UPRT: variants seen among roughly 807,000 people sequenced by gnomAD.
UPRT encodes RP11-311P8.3.
Under a neutral mutation model 22.6 loss-of-function variants are expected in UPRT, and 5 were observed. That is an observed-to-expected ratio of 0.22 (90% confidence interval 0.12 to 0.47). The LOEUF (loss-of-function observed/expected upper bound fraction) is 0.47. Ranked by LOEUF, UPRT falls within the 20% of genes least tolerant of loss-of-function variation. The pLI is 0.99. For synonymous variants in UPRT, 77 were observed against 87.7 expected (o/e 0.88, Z 0.68); for missense variants, 181 against 239.9 (o/e 0.75, Z 1.62).
rs1230880697 is a variant in UPRT, at chrX:75,202,516, G to GA, written c.-447+34644dup. 6.3e-5 allele frequency among the ~76,000 whole-genome samples: 7 copies of GA among 111,372 alleles called. No homozygotes were observed. In the South Asian group the frequency reaches 2.6e-3, roughly 42 times the overall value. On this transcript the variant is annotated intron_variant, in intron 4 of 13. Coordinates refer to the UPRT transcript ENST00000652605. ...ACTCAATTGAATAAATAAAAAAGGA[G>GA]AAAAAAATAATTATAACTGATATGT...
chrX:75,241,392 G>A (rs1400688908), intron 4 of UPRT, among the ~76,000 whole-genome samples: 1 of 111,534 alleles, frequency 9.0e-6, no homozygotes, highest in Non-Finnish European at 1.9e-5. Context: ...CTTACTCCTG[G>A]AAGAATGGCC....
intron 4 of UPRT, among the ~76,000 whole-genome samples, chrX:75,218,929 C>A (rs1323869377): frequency 9.1e-6 from 1 of 110,461 alleles, no homozygotes; most frequent in South Asian, 4.0e-4. Flanking sequence ...AGGAGATATA[C>A]CTAATGCTAA....
chrX:75,165,115 C>A (rs1471812174), intron 3 of UPRT, among the ~76,000 whole-genome samples: 1 of 107,862 alleles, frequency 9.3e-6, no homozygotes, highest in African/African-American at 3.4e-5. Flanking sequence ...TTCTATATTT[C>A]CAAGACTAAA....
chrX:75,216,604 C>G (rs748299913), intron 4 of UPRT, among the ~76,000 whole-genome samples: 1 of 111,913 alleles, frequency 8.9e-6, no homozygotes, highest in African/African-American at 3.2e-5. Flanking sequence ...GAAAGCTGTG[C>G]CCTGGAAAGG....
At chrX:75,160,805 C>T (rs1222568068) in intron 2 of UPRT, among the ~76,000 whole-genome samples, 1 of 112,496 alleles carries the variant, frequency 8.9e-6, no homozygotes, top group East Asian at 2.8e-4. Context: ...CTGGGATTTA[C>T]AGGCATGAGC....
chrX:75,287,300 A>G (rs937099289), intron 1 of UPRT, among the ~76,000 whole-genome samples: 1 of 111,872 alleles, frequency 8.9e-6, no homozygotes, highest in Non-Finnish European at 1.9e-5. Context: ...TTGTAGTAAT[A>G]GTAATAGTAC....
rs374504573 is a variant in UPRT at position 75,252,083 on chromosome X, A to G, written c.-446-38941A>G. Among the ~76,000 whole-genome samples the G allele has an allele frequency of 5.2e-4, 59 of 112,449 alleles. 3 individuals carry two copies. In the East Asian group the frequency reaches 7.5e-3, roughly 14 times the overall value. ...AATTCAAGATGTATTAAAGACTTAC[A>G]TGTTAGACCTAAAACCATAAAAATG... On this transcript the variant is annotated intron_variant, in intron 4 of 13. Coordinates refer to the UPRT transcript ENST00000652605.
intron 4 of UPRT, among the ~76,000 whole-genome samples, chrX:75,207,279 G>C (rs971989856): frequency 2.7e-5 from 3 of 112,426 alleles, no homozygotes; most frequent in African/African-American, 9.7e-5. Context: ...ATCTTTGCCT[G>C]TTTACAGGTA....
chrX:75,237,151 T>A (rs1284605345), intron 4 of UPRT, among the ~76,000 whole-genome samples: 1 of 112,029 alleles, frequency 8.9e-6, no homozygotes, highest in Admixed American at 9.5e-5. Flanking sequence ...CATGAACAGA[T>A]ACTTCTCAAA....
In UPRT at chrX:75,302,759, C is replaced by G. The variant is rs771027289; in HGVS notation, c.824-646C>G. The stretch of plus-strand genomic sequence containing the variant: ...CCTTGTTACTTTTCCCTACCTATTC[C>G]CCTCCCCATAAGCTAGAGTCCTAAC... On this transcript the variant is annotated intron_variant, in intron 6 of 6. Coordinates refer to ENST00000373383, the MANE Select transcript of UPRT (RefSeq NM_145052.4). Among the ~76,000 whole-genome samples, 66 of 110,925 alleles carry G rather than the reference C, an allele frequency of 5.9e-4. 1 individual carries two copies. Among genetic ancestry groups the G allele is most frequent in the African/African-American group, 2.2e-3 (66 of 30,504 alleles).
intron 4 of UPRT, among the ~76,000 whole-genome samples, chrX:75,245,266 TAA>T (rs766688686): frequency 3.4e-4 from 22 of 65,426 alleles, no homozygotes; most frequent in Non-Finnish European, 5.5e-4. Context: ...TACTAAAAAG[TAA>T]AAAAAAAAAA....
At chrX:75,216,915 C>T (rs1007893936) in intron 4 of UPRT, among the ~76,000 whole-genome samples, 10 of 111,467 alleles carry the variant, frequency 9.0e-5, no homozygotes, top group South Asian at 3.8e-4. Flanking sequence ...CCACCATGCC[C>T]GGCTAATTTT....
At chrX:75,257,287 A>T (rs2082552443) in intron 4 of UPRT, among the ~76,000 whole-genome samples, 3 of 112,272 alleles carry the variant, frequency 2.7e-5, no homozygotes, top group African/African-American at 9.7e-5. Context: ...ATCTCAATAG[A>T]TGCAGAAAAA....
chrX:75,195,063 C>A (rs1328258342), intron 4 of UPRT, among the ~76,000 whole-genome samples: 1 of 111,332 alleles, frequency 9.0e-6, no homozygotes, highest in African/African-American at 3.3e-5. Context: ...AAAGTTTCAC[C>A]CCCCTACACA....
intron 4 of UPRT, among the ~76,000 whole-genome samples, chrX:75,191,366 G>T (rs1201176695): frequency 1.8e-5 from 2 of 111,984 alleles, no homozygotes; most frequent in African/African-American, 3.2e-5. Flanking sequence ...ACCCGGCCGT[G>T]TGAGGTGTCA....
intron 4 of UPRT, among the ~76,000 whole-genome samples, chrX:75,187,233 C>G (rs2082296178): frequency 9.0e-6 from 1 of 111,206 alleles, no homozygotes; most frequent in Admixed American, 9.6e-5. Flanking sequence ...GACAAAATCT[C>G]TCAGCATTTG....
intron 4 of UPRT, among the ~76,000 whole-genome samples, chrX:75,262,808 G>A (rs890689881): frequency 6.3e-5 from 7 of 111,520 alleles, no homozygotes; most frequent in Non-Finnish European, 1.1e-4. Flanking sequence ...CATAAAGTAA[G>A]TTCTAAAAGA....
At chrX:75,196,328 G>A (rs907468153) in intron 4 of UPRT, among the ~76,000 whole-genome samples, 19 of 111,393 alleles carry the variant, frequency 1.7e-4, no homozygotes, top group Non-Finnish European at 3.2e-4. Flanking sequence ...ACCACACCCA[G>A]GTAAATGAGT....
chrX:75,265,674 T>C (rs1255867986), intron 4 of UPRT, among the ~76,000 whole-genome samples: 1 of 112,286 alleles, frequency 8.9e-6, no homozygotes, highest in African/African-American at 3.2e-5. Context: ...CCTTCTTCTC[T>C]AAACTCTTCA....
Sources: gnomAD v4.1 joint callset for allele counts (sites outside exome capture counted in the v4.1 genomes callset) on GRCh38, gnomAD v4.1.1 for gene constraint, MANE v1.5 for transcripts, NCBI Gene and HGNC (gene_info 2026-07-23, HGNC 2026-07-21) for gene names.